RAD51B: variants seen among roughly 807,000 people sequenced by gnomAD.
RAD51B encodes DNA repair protein RAD51 homolog 2.
A neutral mutation model predicts 42.2 loss-of-function variants in RAD51B; 38 were observed. That is an observed-to-expected ratio of 0.90 (90% CI 0.70 to 1.18). RAD51B has a LOEUF of 1.18. Among genes scored for constraint, RAD51B ranks in the 50% most tolerant of loss-of-function variants. The pLI, the probability that RAD51B is intolerant of heterozygous loss-of-function variation, is 0.00. For missense variants in RAD51B, 373 were observed against 400.7 expected, an observed-to-expected ratio of 0.93 and a Z score of 0.59; for synonymous variants, 154 against 145.2, an observed-to-expected ratio of 1.06 and a Z score of -0.43.
intron 4 of RAD51B, among the ~76,000 whole-genome samples, chr14:67,840,787 A>G (rs2041399182): frequency 1.3e-5 from 2 of 149,182 alleles, no homozygotes; most frequent in South Asian, 4.2e-4. Flanking sequence ...CACCCTTTCC[A>G]GCATCTATTA....
chr14:68,364,520 A>G (rs986094301), intron 8 of RAD51B, among the ~76,000 whole-genome samples: 1 of 152,032 alleles, frequency 6.6e-6, no homozygotes, highest in African/African-American at 2.4e-5. Flanking sequence ...TCCACTCGCC[A>G]GCAGCCCCCT....
chr14:68,646,881 C>T (rs1177008826), intron 10 of RAD51B, among the ~76,000 whole-genome samples: 1 of 152,126 alleles, frequency 6.6e-6, no homozygotes, highest in Non-Finnish European at 1.5e-5. Flanking sequence ...AAAGAAAAAT[C>T]TATTTTCCTT....
chr14:68,433,788 G>A (rs986753536), intron 9 of RAD51B, among the ~76,000 whole-genome samples: 4 of 152,228 alleles, frequency 2.6e-5, no homozygotes, highest in Admixed American at 1.3e-4. Context: ...CATTGCTGGC[G>A]AGGAGCTGCG....
intron 10 of RAD51B, among the ~76,000 whole-genome samples, chr14:68,494,342 G>A (rs1041262862): frequency 6.6e-6 from 1 of 152,012 alleles, no homozygotes; most frequent in Non-Finnish European, 1.5e-5. Context: ...AAGGGTGGGG[G>A]TAGTTCTTCG....
chr14:67,892,301 T>G (rs1428908490), intron 7 of RAD51B, among the ~76,000 whole-genome samples: 1 of 152,222 alleles, frequency 6.6e-6, no homozygotes, highest in South Asian at 2.1e-4. Flanking sequence ...TATCTTTCTT[T>G]TATGTAGCTC....
chr14:67,986,183 C>T (rs1046977637), intron 7 of RAD51B, among the ~76,000 whole-genome samples: 2 of 152,164 alleles, frequency 1.3e-5, no homozygotes, highest in Non-Finnish European at 2.9e-5. Flanking sequence ...TTTTTATTCC[C>T]CACACTTCTA....
At chr14:68,267,783 T>G (rs2081021712) in intron 7 of RAD51B, among the ~76,000 whole-genome samples, 1 of 152,250 alleles carries the variant, frequency 6.6e-6, no homozygotes, top group Non-Finnish European at 1.5e-5. Context: ...TCGTATCACT[T>G]TGTGTATGAA....
At chr14:68,363,203 A>G (rs912806085) in intron 8 of RAD51B, among the ~76,000 whole-genome samples, 2 of 152,230 alleles carry the variant, frequency 1.3e-5, no homozygotes, top group Non-Finnish European at 2.9e-5. Context: ...CTGAGACTGC[A>G]AAGTACCATG....
At chr14:68,538,996 C>G (rs762008486) in intron 10 of RAD51B, among the ~76,000 whole-genome samples, 27 of 152,368 alleles carry the variant, frequency 1.8e-4, no homozygotes, top group Non-Finnish European at 3.2e-4. Context: ...GTTTTTGCCT[C>G]TTTTCTACAA....
chr14:68,261,788 C>G (rs1335603783), intron 7 of RAD51B, among the ~76,000 whole-genome samples: 1 of 151,078 alleles, frequency 6.6e-6, no homozygotes, highest in Non-Finnish European at 1.5e-5. Context: ...TCACATTCAC[C>G]CCTTGCCCCC....
downstream of RAD51B, among the ~76,000 whole-genome samples, chr14:68,479,733 A>G (rs4344665): frequency 1.5e-5 from 2 of 129,894 alleles, no homozygotes; most frequent in East Asian, 4.6e-4. Flanking sequence ...CAGCAGTGCT[A>G]TCACAGCTCA....
intron 11 of RAD51B, among the ~76,000 whole-genome samples, chr14:68,672,709 T>C (rs1439000045): frequency 6.6e-6 from 1 of 152,140 alleles, no homozygotes; most frequent in East Asian, 1.9e-4. Context: ...TGCAAACAGC[T>C]ACACAAGCAT....
At chr14:68,604,063 G>A (rs1891336305) in intron 10 of RAD51B, among the ~76,000 whole-genome samples, 3 of 152,256 alleles carry the variant, frequency 2.0e-5, no homozygotes, top group African/African-American at 4.8e-5. Flanking sequence ...GCTGGCTGCT[G>A]GGTGTCATGT....
At chr14:68,594,591 G>T (rs528881301) in exon 11 of RAD51B, 1 of 1,295,816 alleles carries the variant, frequency 7.7e-7, no homozygotes, top group Admixed American at 2.3e-5. Context: ...ACCATACCCA[G>T]CTAATTTTTT....
intron 7 of RAD51B, among the ~76,000 whole-genome samples, chr14:68,178,139 A>G (rs758742308): frequency 2.6e-5 from 4 of 152,106 alleles, no homozygotes; most frequent in South Asian, 2.1e-4. Context: ...CTGAAACCCT[A>G]TCTCTTTGCG....
intron 8 of RAD51B, among the ~76,000 whole-genome samples, chr14:68,410,286 C>A (rs1362026546): frequency 6.6e-6 from 1 of 152,114 alleles, no homozygotes; most frequent in Non-Finnish European, 1.5e-5. Context: ...AGTAGACCAC[C>A]CTGAAAGGTG....
intron 7 of RAD51B, among the ~76,000 whole-genome samples, chr14:68,111,218 C>A (rs542434282): frequency 2.6e-5 from 4 of 152,026 alleles, no homozygotes; most frequent in South Asian, 2.1e-4. Context: ...TTATTAAATT[C>A]TTTTATTGTC....
intron 7 of RAD51B, among the ~76,000 whole-genome samples, chr14:68,250,945 T>C (rs545729356): frequency 7.9e-5 from 12 of 152,224 alleles, no homozygotes; most frequent in Non-Finnish European, 1.6e-4. Context: ...ACCATGGTTT[T>C]CAGTGTAAAA....
chr14:68,449,467 T>A (rs1305705082), intron 9 of RAD51B, among the ~76,000 whole-genome samples: 1 of 152,170 alleles, frequency 6.6e-6, no homozygotes, highest in Non-Finnish European at 1.5e-5. Flanking sequence ...CCACCTTAAT[T>A]GAGCTTTTTT....
Sources: gnomAD v4.1 joint callset for allele counts (sites outside exome capture counted in the v4.1 genomes callset) on GRCh38, gnomAD v4.1.1 for gene constraint, MANE v1.5 for transcripts, NCBI Gene and HGNC (gene_info 2026-07-23, HGNC 2026-07-21) for gene names.